The following FTSJ3 variants were observed in gnomAD, a reference collection of about 807,000 sequenced individuals.
The protein encoded by FTSJ3 is pre-rRNA 2'-O-ribose RNA methyltransferase FTSJ3.
In FTSJ3, 46 loss-of-function variants were observed where a neutral mutation model predicts 111.5. The observed-to-expected ratio is 0.41, with a 90% CI of 0.33 to 0.53. The LOEUF is 0.53. Among genes scored for constraint, FTSJ3 ranks in the 20% least tolerant of loss-of-function variants. The pLI, the probability that FTSJ3 is intolerant of heterozygous loss-of-function variation, is 0.19. For missense variants in FTSJ3, 1,075 were observed against 1,063.8 expected (o/e 1.01, Z -0.15); for synonymous variants, 408 against 383.0 (o/e 1.07, Z -0.76).
chr17:63,826,407 A>C, intron 3 of FTSJ3, 103 bp from the exon 4 acceptor site: 5 of 1,218,814 alleles, frequency 4.1e-6, no homozygotes, highest in South Asian at 1.2e-5. Flanking sequence ...AAAGCATATC[A>C]TAGGCACGTA....
chr17:63,823,594 CAAA>C (rs56412606), intron 13 of FTSJ3: 351 of 390,510 alleles, frequency 9.0e-4, no homozygotes, highest in Middle Eastern at 2.2e-3. Flanking sequence ...GACTCCGTCT[CAAA>C]AAAAAAAAAA....
At chr17:63,821,200 A>G in intron 16 of FTSJ3, 85 bp from the exon 17 acceptor site, 1 of 1,540,296 alleles carries the variant, frequency 6.5e-7, no homozygotes, top group Non-Finnish European at 9.0e-7. Flanking sequence ...AAATCCTGCC[A>G]TGCAGGCTGT....
Position 63,821,559 on chromosome 17 carries a change from C to T in FTSJ3, c.1681G>A (p.Gly561Arg). ...AQLLFENRRK[G>R]RQQQQKQQLP... ...TGCTGCTTCTGCTGCTGCTGCCGTC[C>T]CTTCCGCCGGTTCTCAAATAACAGC... is the stretch of plus-strand genomic sequence containing the variant. The change falls in exon 16 of 21, where the codon GGA becomes AGA. Residue 561 changes from glycine to arginine, a missense_variant. Transcript: ENST00000427159. 6.2e-7 allele frequency: 1 copy of T among 1,614,062 alleles called. No individual in the cohort carries two copies. Among genetic ancestry groups the T allele is most frequent in the South Asian group, 1.1e-5 (1 of 91,074 alleles).
rs2040117543 is a variant in FTSJ3 at position 63,827,230 on chromosome 17, A to G, written c.-205T>C. 6 of 606,652 alleles carry G rather than the reference A, an allele frequency of 9.9e-6. No homozygotes were observed. Among genetic ancestry groups the G allele is most frequent in the South Asian group, 4.0e-5 (2 of 50,004 alleles). The allele number at this position is 606,652 out of a possible 1,614,324, so 37.6% of individuals were successfully genotyped here. On this transcript the variant is annotated 5_prime_UTR_variant, in exon 1 of 21. Transcript: ENST00000427159. ...TTGTAAGTTGAAAGTTGAGACTAGG[A>G]AGGCATATCACAAGAACTATAAACA... is the stretch of plus-strand genomic sequence containing the variant.
Position 63,827,228 on chromosome 17 carries a change from G to C in FTSJ3, c.-203C>G. On this transcript the variant is annotated 5_prime_UTR_variant, in exon 1 of 21. Coordinates refer to ENST00000427159, the MANE Select transcript of FTSJ3 (RefSeq NM_017647.4). Reference sequence around the variant, plus strand: ...TTTTGTAAGTTGAAAGTTGAGACTAGGAAGGCATATCACAAGAACTATAAA... The same window carrying C: ...TTTTGTAAGTTGAAAGTTGAGACTACGAAGGCATATCACAAGAACTATAAA... 1 of 606,646 alleles carries C rather than the reference G, an allele frequency of 1.6e-6. No homozygotes were observed. Among genetic ancestry groups the C allele is most frequent in the Non-Finnish European group, 2.9e-6 (1 of 342,946 alleles). 37.6% of individuals were successfully genotyped at this position (606,646 alleles called of 1,614,324 possible). A position where few individuals can be genotyped will look rare whatever the true frequency, so the allele number is the denominator to read the frequency against.
In FTSJ3 at chr17:63,826,872, G is replaced by T. The variant is rs1567755282; in HGVS notation, c.31C>A (p.Arg11=). The T allele has an allele frequency of 5.6e-6, 9 of 1,614,082 alleles. No individual in the cohort carries two copies. Among genetic ancestry groups the T allele is most frequent in the Non-Finnish European group, 6.8e-6 (8 of 1,179,998 alleles). MGKKGKVGKS[R]RDKFYHLAKE... ...GCCAAGTGATAAAACTTGTCTCGTCGGCTCTTGCCAACTTTGCCCTTCTTG... is the reference window on the plus strand; with the variant it reads ...GCCAAGTGATAAAACTTGTCTCGTCTGCTCTTGCCAACTTTGCCCTTCTTG... Residue 11 remains arginine, a synonymous_variant, in exon 2 of 21, where the codon CGA becomes AGA. Transcript: ENST00000427159.
chr17:63,819,747 A>G lies in FTSJ3; in HGVS notation c.*55T>C. On this transcript the variant is annotated 3_prime_UTR_variant, in exon 21 of 21. Transcript: ENST00000427159. ...GTAATCAAGGGGGCCAGACTGAGCC[A>G]TGCCACACCCTTCCTCCTAGTCCCC... The G allele has an allele frequency of 2.6e-6, 4 of 1,519,032 alleles. No individual in the cohort carries two copies. In the South Asian group the frequency reaches 4.9e-5, roughly 19 times the overall value. The allele number at this position is 1,519,032 out of a possible 1,614,324, so 94.1% of individuals were successfully genotyped here.
chr17:63,821,644 C>G lies in FTSJ3; in HGVS notation c.1597-1G>C. ...CGTCCTCGATCCCAGCAAAGCTGCC[C>G]TGTGATAGGAGAACATCAGCTGCCC... On this transcript the variant is annotated splice_acceptor_variant, in intron 15 of 20. Transcript: ENST00000427159. LOFTEE classifies it high-confidence loss of function. The G allele has an allele frequency of 1.2e-6, 2 of 1,613,346 alleles. No homozygotes were observed. Among genetic ancestry groups the G allele is most frequent in the Non-Finnish European group, 1.7e-6 (2 of 1,179,380 alleles).
At position 63,827,257 on chromosome 17, in the gene FTSJ3, A is replaced by C; in HGVS notation, c.-232T>G. 1 of 614,032 alleles carries C rather than the reference A, an allele frequency of 1.6e-6. No individual in the cohort carries two copies. The highest frequency in any genetic ancestry group is 2.9e-6 in the Non-Finnish European group (1 of 348,088). 38.0% of individuals were successfully genotyped at this position (614,032 alleles called of 1,614,324 possible). On this transcript the variant is annotated 5_prime_UTR_variant, in exon 1 of 21. Transcript: ENST00000427159. The stretch of plus-strand genomic sequence containing the variant: ...GGCATATCACAAGAACTATAAACAG[A>C]GTTTCAATGAGGCAACACTGAGGAG...
In FTSJ3 at chr17:63,821,841, A is replaced by G; in HGVS notation, c.1478T>C (p.Met493Thr). The change falls in exon 15 of 21, where the codon ATG (methionine) becomes ACG (threonine). Residue 493 changes from methionine to threonine, a missense_variant and splice_region_variant. Physicochemically the swap from Met to Thr is moderately conservative, Grantham distance 81 (BLOSUM62 -1). Around this residue, in one of 2 missense-constraint regions of FTSJ3, gnomAD observed 867 missense variants for 796.9 expected, o/e 1.09. Coordinates refer to ENST00000427159, the MANE Select transcript of FTSJ3 (RefSeq NM_017647.4). ...GHQGLRDQKRMRLTEVQDDKE... is the reference protein window; with the variant it reads ...GHQGLRDQKRTRLTEVQDDKE... ...ATCATCTTGCACTTCAGTAAGTCGC[A>G]TACTGTAGACCCAAAGGAAAGTAGG... 1 of 1,614,062 alleles carries G rather than the reference A, an allele frequency of 6.2e-7. No homozygotes were observed. The highest frequency in any genetic ancestry group is 8.5e-7 in the Non-Finnish European group (1 of 1,180,030).
At position 63,824,218 on chromosome 17, in the gene FTSJ3, A is replaced by G. The variant is rs752168459; in HGVS notation, c.1020T>C (p.Asp340=). The G allele has an allele frequency of 6.8e-6, 11 of 1,613,592 alleles. No individual in the cohort carries two copies. The East Asian group carries it at 2.2e-4, about 33-fold the overall frequency. ...LDISLSSGEE[D]EGDEEDSTAG... ...CTGTTGAGTCCTCCTCATCACCTTC[A>G]TCTTCCTCTCCAGAGCTGAGGCTGG... is the stretch of plus-strand genomic sequence containing the variant. The change falls in exon 12 of 21, where the codon GAT becomes GAC. Residue 340 remains aspartate (D), a synonymous_variant. Transcript: ENST00000427159.
rs1598350506 is a variant in FTSJ3, at chr17:63,824,679, A to G, written c.875T>C (p.Val292Ala). ...QHPATTEDIR[V>A]CCQDIRVLGR... ...CAACACTCTGATGTCCTGACAGCACACCCGTATGTCCTCAGTGGTAGCTGG... is the reference window on the plus strand; with the variant it reads ...CAACACTCTGATGTCCTGACAGCACGCCCGTATGTCCTCAGTGGTAGCTGG... The change falls in exon 10 of 21, where the codon GTG becomes GCG. Residue 292 changes from valine (V) to alanine (A), a missense_variant. By Grantham distance (64) the Val-to-Ala change is moderately conservative. Around this residue, in one of 2 missense-constraint regions of FTSJ3, gnomAD observed 867 missense variants for 796.9 expected, o/e 1.09. Coordinates refer to ENST00000427159, the MANE Select transcript of FTSJ3 (RefSeq NM_017647.4). 6.2e-7 allele frequency: 1 copy of G among 1,614,052 alleles called. No individual in the cohort carries two copies. The highest frequency in any genetic ancestry group is 1.3e-5 in the African/African-American group (1 of 75,012).
chr17:63,826,188 G>C, intron 4 of FTSJ3, 53 bp from the exon 5 acceptor site: 2 of 1,608,990 alleles, frequency 1.2e-6, no homozygotes, highest in East Asian at 2.2e-5. Flanking sequence ...GCAGGGAGGA[G>C]AGAAATACAG....
Position 63,820,072 on chromosome 17 carries a change from C to A in FTSJ3, c.2351+7G>T. 1 of 1,614,086 alleles carries A rather than the reference C, an allele frequency of 6.2e-7. No individual in the cohort carries two copies. The highest frequency in any genetic ancestry group is 1.3e-5 in the African/African-American group (1 of 75,022). On this transcript the variant is annotated splice_region_variant and intron_variant, in intron 20 of 20. Coordinates refer to ENST00000427159, the MANE Select transcript of FTSJ3 (RefSeq NM_017647.4). Reference sequence around the variant, plus strand: ...CCCTGTGTACCTTTGTGGTGTCCTCCCATTACCTTCGCAGCTGTGCCACTT... The same window carrying A: ...CCCTGTGTACCTTTGTGGTGTCCTCACATTACCTTCGCAGCTGTGCCACTT...
At chr17:63,821,325 C>T (rs768889742) in intron 16 of FTSJ3, 29 bp downstream of exon 16, 1 of 1,583,820 alleles carries the variant, frequency 6.3e-7, no homozygotes, top group Non-Finnish European at 8.6e-7. Flanking sequence ...GCTTCCTTTC[C>T]ATCCCTTCTC....
chr17:63,819,676 C>T lies in FTSJ3; in HGVS notation c.*126G>A. 1 of 897,278 alleles carries T rather than the reference C, an allele frequency of 1.1e-6. No individual in the cohort carries two copies. 55.6% of individuals were successfully genotyped at this position (897,278 alleles called of 1,614,324 possible). On this transcript the variant is annotated 3_prime_UTR_variant, in exon 21 of 21. Transcript: ENST00000427159. ...CACCACGGGAGTTCTAGGCACTCCA[C>T]CTCACTGTTCTTCAGACAGCTGTGA...
At chr17:63,824,760 G>C (rs767160170) in intron 9 of FTSJ3, 23 bp from the exon 10 acceptor site, 14 of 1,607,764 alleles carry the variant, frequency 8.7e-6, no homozygotes, top group Non-Finnish European at 1.2e-5. Flanking sequence ...ATGGAAAGGT[G>C]TCAGGGGAGA....
chr17:63,825,513 T>TCCAAGCA (rs776124543), intron 6 of FTSJ3, 23 bp downstream of exon 6: 1 of 1,613,088 alleles, frequency 6.2e-7, no homozygotes, highest in Non-Finnish European at 8.5e-7. Context: ...TCACCTGATC[T>TCCAAGCA]CCAAGCACCA....
In FTSJ3 at chr17:63,821,103, G is replaced by A. The variant is rs745967674; in HGVS notation, c.1899C>T (p.Leu633=). 1 of 1,614,124 alleles carries A rather than the reference G, an allele frequency of 6.2e-7. No homozygotes were observed. Among genetic ancestry groups the A allele is most frequent in the Non-Finnish European group, 8.5e-7 (1 of 1,180,018 alleles). The stretch of plus-strand genomic sequence containing the variant: ...GCCCACGGCTTCGCTTCTTACCACG[G>A]AGGGGTTCCCAGCTGTGAAGAGGGG... ...SSEEEESWEP[L]RGKKRSRGPK... Residue 633 remains leucine, a synonymous_variant, in exon 17 of 21, where the codon CTC becomes CTT. Transcript: ENST00000427159.
Sources: gnomAD v4.1 joint callset for allele counts on GRCh38, gnomAD v4.1.1 for gene constraint, gnomAD v4.1.1 regional missense constraint, MANE v1.5 for transcripts, NCBI Gene and HGNC (gene_info 2026-07-23, HGNC 2026-07-21) for gene names.